Variants in GLIS3 observed in about 807,000 individuals in gnomAD.
GLIS3 encodes GLIS family zinc finger 3.
A neutral mutation model predicts 78.6 loss-of-function variants in GLIS3; 53 were observed. That is an observed-to-expected ratio of 0.67 (90% confidence interval 0.54 to 0.85). The LOEUF (loss-of-function observed/expected upper bound fraction) is 0.85. GLIS3 is among the 40% of genes least tolerant of loss of function. GLIS3 has a pLI of 0.00. For missense variants in GLIS3, 1,703 were observed against 1,231.1 expected (o/e 1.38, Z -5.74); for synonymous variants, 684 against 509.9 (o/e 1.34, Z -4.60).
intron 4 of GLIS3, among the ~76,000 whole-genome samples, chr9:4,056,536 CAGG>C (rs1391333410): frequency 6.6e-6 from 1 of 152,006 alleles, no homozygotes; most frequent in Non-Finnish European, 1.5e-5. Flanking sequence ...GCCAGCTTTG[CAGG>C]AGACTTTCTA....
chr9:4,489,723 T>G, the GLIS3 span, among the ~76,000 whole-genome samples: 2 of 152,234 alleles, frequency 1.3e-5, no homozygotes, highest in African/African-American at 2.4e-5. Context: ...CGGTTCTCAG[T>G]TCTAATCACT....
intron 2 of GLIS3, among the ~76,000 whole-genome samples, chr9:4,133,856 ACACACACACACACACACACCG>A (rs1833171585): frequency 2.2e-5 from 2 of 92,090 alleles, no homozygotes; most frequent in South Asian, 3.1e-4. Flanking sequence ...ACACACACAC[ACACACACACACACACACACCG>A]TACATCTGTC....
At position 4,043,652 on chromosome 9, in the gene GLIS3, CCTT is replaced by C. The variant is rs1185371959; in HGVS notation, c.1710+74113_1710+74115del. ...ACTGCTGAGTTTGCTCCCAGGAAAA[CCTT>C]CTTCTCTACAAGTCCCAACAGCCAT... On this transcript the variant is annotated intron_variant, in intron 4 of 10. Transcript: ENST00000381971. Among the ~76,000 whole-genome samples the C allele has an allele frequency of 2.6e-5, 4 of 152,246 alleles. No homozygotes were observed. In the East Asian group the frequency reaches 7.7e-4, roughly 29 times the overall value.
intron 4 of GLIS3, among the ~76,000 whole-genome samples, chr9:4,040,267 A>C (rs1360548358): frequency 6.6e-6 from 1 of 151,806 alleles, no homozygotes; most frequent in Admixed American, 6.6e-5. Flanking sequence ...TGAATTACAA[A>C]ACATTTTACT....
chr9:4,202,900 T>A (rs958560518), intron 2 of GLIS3, among the ~76,000 whole-genome samples: 1 of 152,202 alleles, frequency 6.6e-6, no homozygotes, highest in Non-Finnish European at 1.5e-5. Flanking sequence ...ATTCTGGACA[T>A]TGCCATGGGA....
intron 4 of GLIS3, among the ~76,000 whole-genome samples, chr9:4,029,830 A>AATCC (rs1823676470): frequency 6.6e-6 from 1 of 152,140 alleles, no homozygotes; most frequent in African/African-American, 2.4e-5. Context: ...CACATTTTTT[A>AATCC]ATCCATTCAT....
At chr9:4,221,870 A>C (rs62541776) in intron 2 of GLIS3, among the ~76,000 whole-genome samples, 1,683 of 152,338 alleles carry the variant, frequency 0.011, 14 homozygotes, top group Non-Finnish European at 0.017. Flanking sequence ...CAAAATAGTT[A>C]TTTTGGGATC....
chr9:3,861,535 C>T (rs977621541), intron 8 of GLIS3, among the ~76,000 whole-genome samples: 1 of 10,256 alleles, frequency 9.8e-5, no homozygotes, highest in South Asian at 6.2e-3. Flanking sequence ...GGGAATCAAT[C>T]CAAATGCCCA....
intron 2 of GLIS3, among the ~76,000 whole-genome samples, chr9:4,258,385 A>G (rs189792393): frequency 8.6e-4 from 131 of 152,326 alleles, no homozygotes; most frequent in African/African-American, 2.4e-3. Flanking sequence ...AATTTAGGTC[A>G]TATTGGTGAG....
At position 3,940,956 on chromosome 9, in the gene GLIS3, G is replaced by A. The variant is rs895081210; in HGVS notation, c.1711-3767C>T. On this transcript the variant is annotated intron_variant, in intron 4 of 10. Transcript: ENST00000381971. ...CCTGAGGAGTGGTTCTCAAAGATGG[G>A]GTCCCTAGACGAGCAACGCTGGCAT... Among the ~76,000 whole-genome samples, 4 of 152,096 alleles carry A rather than the reference G, an allele frequency of 2.6e-5. No individual in the cohort carries two copies. The East Asian group carries it at 5.8e-4, about 22-fold the overall frequency.
At chr9:3,868,782 C>T (rs1225382019) in intron 8 of GLIS3, among the ~76,000 whole-genome samples, 1 of 150,940 alleles carries the variant, frequency 6.6e-6, no homozygotes, top group Non-Finnish European at 1.5e-5. Flanking sequence ...ACACTAAGCT[C>T]CACCCTTGCC....
At chr9:4,193,848 A>G (rs746050558) in intron 2 of GLIS3, among the ~76,000 whole-genome samples, 18 of 152,194 alleles carry the variant, frequency 1.2e-4, no homozygotes, top group African/African-American at 3.4e-4. Context: ...ACTAAAATCA[A>G]TAAGTCACTT....
chr9:4,328,329 A>G (rs563347101), intron 2 of GLIS3, among the ~76,000 whole-genome samples: 1 of 152,294 alleles, frequency 6.6e-6, no homozygotes, highest in African/African-American at 2.4e-5. Context: ...CTGAAGTTCC[A>G]GTTGAACAAA....
intron 2 of GLIS3, among the ~76,000 whole-genome samples, chr9:4,238,861 C>CT (rs1823024867): frequency 6.6e-6 from 1 of 152,072 alleles, no homozygotes; most frequent in East Asian, 1.9e-4. Context: ...GAGATGGACT[C>CT]TAACTACTAA....
At chr9:3,889,697 CAG>C (rs747671424) in intron 7 of GLIS3, among the ~76,000 whole-genome samples, 4 of 152,152 alleles carry the variant, frequency 2.6e-5, no homozygotes, top group African/African-American at 9.7e-5. Flanking sequence ...AAGGAGCAGA[CAG>C]AAAATATTTT....
the GLIS3 span, among the ~76,000 whole-genome samples, chr9:4,367,553 G>C: frequency 2.9e-5 from 4 of 140,160 alleles, no homozygotes; most frequent in African/African-American, 5.4e-5. Context: ...TCTGTAGCTT[G>C]AACCCGGAAT....
the GLIS3 span, among the ~76,000 whole-genome samples, chr9:4,437,468 C>A: frequency 5.5e-4 from 58 of 105,000 alleles, no homozygotes; most frequent in South Asian, 1.6e-3. Context: ...ATCTATCTAT[C>A]TATATATCAT....
chr9:4,414,771 T>C, the GLIS3 span, among the ~76,000 whole-genome samples: 1 of 152,192 alleles, frequency 6.6e-6, no homozygotes, highest in African/African-American at 2.4e-5. Flanking sequence ...CCTGCATATC[T>C]GATCATCCTC....
chr9:4,038,274 T>C (rs1374204868), intron 4 of GLIS3, among the ~76,000 whole-genome samples: 1 of 128,542 alleles, frequency 7.8e-6, no homozygotes, highest in African/African-American at 3.1e-5. Flanking sequence ...TCTTTTGAAG[T>C]GTGGTAGGAA....
Sources: gnomAD v4.1 joint callset for allele counts (sites outside exome capture counted in the v4.1 genomes callset) on GRCh38, gnomAD v4.1.1 for gene constraint, MANE v1.5 for transcripts, NCBI Gene and HGNC (gene_info 2026-07-23, HGNC 2026-07-21) for gene names.